CHD1: variants seen among roughly 807,000 people sequenced by gnomAD.
CHD1 encodes ATP-dependent chromatin remodeler CHD1.
Under a neutral mutation model 224.2 loss-of-function variants are expected in CHD1, and 36 were observed. The ratio of observed to expected loss-of-function variants is 0.16; its 90% confidence interval spans 0.12 to 0.21. CHD1 has a LOEUF of 0.21. Among genes scored for constraint, CHD1 ranks in the 10% least tolerant of loss-of-function variants. The pLI, the probability that CHD1 is intolerant of heterozygous loss-of-function variation, is 1.00. For synonymous variants in CHD1, 668 were observed against 658.3 expected, an observed-to-expected ratio of 1.01 and a Z score of -0.23; for missense variants, 1,378 against 1,994.8, an observed-to-expected ratio of 0.69 and a Z score of 5.89.
intron 2 of CHD1, among the ~76,000 whole-genome samples, chr5:98,914,502 G>T (rs1001229044): frequency 6.7e-6 from 1 of 150,276 alleles, no homozygotes; most frequent in African/African-American, 2.4e-5. Context: ...TTTCTATTGG[G>T]AACAAAATGC....
chr5:98,889,059 C>G lies in CHD1; in HGVS notation c.2343+17G>C. On this transcript the variant is annotated intron_variant, in intron 16 of 35. Coordinates refer to ENST00000614616, the MANE Select transcript of CHD1 (RefSeq NM_001270.4). Reference sequence around the variant, plus strand: ...CTAGAACTTTATCACAAAGAAACAACATTTAAAAATTCTTACTTGTAAGGC... The same window carrying G: ...CTAGAACTTTATCACAAAGAAACAAGATTTAAAAATTCTTACTTGTAAGGC... 4.0e-6 allele frequency: 6 copies of G among 1,512,842 alleles called. No homozygotes were observed. The highest frequency in any genetic ancestry group is 5.4e-6 in the Non-Finnish European group (6 of 1,102,590). The allele number at this position is 1,512,842 out of a possible 1,614,324, so 93.7% of individuals were successfully genotyped here.
intron 11 of CHD1, 113 bp downstream of exon 11, chr5:98,897,080 C>T: frequency 1.1e-6 from 1 of 925,056 alleles, no homozygotes; most frequent in Non-Finnish European, 1.7e-6. Flanking sequence ...CAAAGACTAG[C>T]ATATAAACTG....
In CHD1 at chr5:98,896,323, G is replaced by A; in HGVS notation, c.1613C>T (p.Pro538Leu). Reference sequence around the variant, plus strand: ...TTGCCAGGAAGTAAGAGTGGAGAGCGGTACTACCAATAAAAAAGGTCCATA... The same window carrying A: ...TTGCCAGGAAGTAAGAGTGGAGAGCAGTACTACCAATAAAAAAGGTCCATA... Reference protein sequence around the residue: ...QLYGPFLLVVPLSTLTSWQRE... With the variant: ...QLYGPFLLVVLLSTLTSWQRE... The change falls in exon 12 of 36, where the codon CCG becomes CTG. Residue 538 changes from proline (P) to leucine (L), a missense_variant. Coordinates refer to ENST00000614616, the MANE Select transcript of CHD1 (RefSeq NM_001270.4). The A allele has an allele frequency of 6.2e-7, 1 of 1,613,646 alleles. No homozygotes were observed. The highest frequency in any genetic ancestry group is 8.5e-7 in the Non-Finnish European group (1 of 1,179,706).
At chr5:98,915,330 T>TA (rs1752669181) in intron 2 of CHD1, among the ~76,000 whole-genome samples, 1 of 152,172 alleles carries the variant, frequency 6.6e-6, no homozygotes, top group Non-Finnish European at 1.5e-5. Flanking sequence ...AAACTCTGCT[T>TA]AAAGTACAAT....
chr5:98,905,919 A>T (rs1435529114), intron 2 of CHD1, among the ~76,000 whole-genome samples: 1 of 152,294 alleles, frequency 6.6e-6, no homozygotes, highest in Admixed American at 6.5e-5. Context: ...TAGGGCATTA[A>T]ATTTCTGGTA....
At chr5:98,920,161 T>C (rs917990277) in intron 2 of CHD1, among the ~76,000 whole-genome samples, 2 of 152,014 alleles carry the variant, frequency 1.3e-5, no homozygotes, top group Admixed American at 1.3e-4. Flanking sequence ...TCAAAGCACA[T>C]ACATAAATCC....
chr5:98,911,147 AT>A (rs1330816135), intron 2 of CHD1, among the ~76,000 whole-genome samples: 2,247 of 47,560 alleles, frequency 0.047, 28 homozygotes, highest in African/African-American at 0.07. Flanking sequence ...AAAAAAAAAA[AT>A]ATATATATAT....
Position 98,898,343 on chromosome 5 carries a change from T to A in CHD1, c.1278A>T (p.Gly426=), listed in dbSNP as rs759650730. The change falls in exon 10 of 36, where the codon GGA becomes GGT. Residue 426 remains glycine, a synonymous_variant. Coordinates refer to ENST00000614616, the MANE Select transcript of CHD1 (RefSeq NM_001270.4). Reference sequence around the variant, plus strand: ...CTTGAAACTTTTTGGAAATGAGAGCTCCATCTTCCCAGCTGCACTCTGAGT... The same window carrying A: ...CTTGAAACTTTTTGGAAATGAGAGCACCATCTTCCCAGCTGCACTCTGAGT... ...LPYSECSWED[G]ALISKKFQAC... The A allele has an allele frequency of 6.2e-7, 1 of 1,602,992 alleles. No individual in the cohort carries two copies. Among genetic ancestry groups the A allele is most frequent in the Non-Finnish European group, 8.5e-7 (1 of 1,174,994 alleles).
At chr5:98,880,144 A>G (rs1461719809) in intron 22 of CHD1, among the ~76,000 whole-genome samples, 1 of 152,246 alleles carries the variant, frequency 6.6e-6, no homozygotes, top group Non-Finnish European at 1.5e-5. Flanking sequence ...TGGCAGAGAC[A>G]TAGAGCTCTT....
rs1749761171 is a variant in CHD1, at chr5:98,876,412, A to G, written c.3384T>C (p.Asp1128=). 1.9e-6 allele frequency: 3 copies of G among 1,613,686 alleles called. No individual in the cohort carries two copies. In the African/African-American group the frequency reaches 4.0e-5, roughly 22 times the overall value. The part of the protein sequence containing the change: ...IPRENIKGFS[D]AEIRRFIKSY... ...TAACACCTTACCGCCTAATTTCTGC[A>G]TCACTAAATCCTTTAATATTCTCCC... Residue 1128 remains aspartate (D), a synonymous_variant, in exon 24 of 36, where the codon GAT becomes GAC. Coordinates refer to ENST00000614616, the MANE Select transcript of CHD1 (RefSeq NM_001270.4).
rs754305052 is a variant in CHD1, at chr5:98,863,448, T to G, written c.4387A>C (p.Lys1463Gln). The G allele has an allele frequency of 1.2e-5, 20 of 1,601,274 alleles. No individual in the cohort carries two copies. Among genetic ancestry groups the G allele is most frequent in the Non-Finnish European group, 1.6e-5 (19 of 1,174,022 alleles). Residue 1463 changes from lysine (K) to glutamine (Q), a missense_variant, in exon 32 of 36, where the codon AAA (lysine) becomes CAA (glutamine). Coordinates refer to ENST00000614616, the MANE Select transcript of CHD1 (RefSeq NM_001270.4). ...ATTTGTTCAGGATTTGTATACTCTT[T>G]TAGACATTCTGTGATATGGTCTCCA... is the stretch of plus-strand genomic sequence containing the variant. ...KIGDHITECL[K>Q]EYTNPEQIKQ...
At chr5:98,858,596 A>G in intron 34 of CHD1, 1 of 517,024 alleles carries the variant, frequency 1.9e-6, no homozygotes. Context: ...AATGTCACAA[A>G]AACTAAAAAA....
intron 33 of CHD1, among the ~76,000 whole-genome samples, 186 bp downstream of exon 33, chr5:98,859,786 C>T (rs1748324844): frequency 6.6e-6 from 1 of 152,054 alleles, no homozygotes; most frequent in South Asian, 2.1e-4. Flanking sequence ...ATCCTGTTTT[C>T]TTGCCCATTA....
At chr5:98,892,998 T>G (rs1751115174) in intron 14 of CHD1, among the ~76,000 whole-genome samples, 2 of 152,252 alleles carry the variant, frequency 1.3e-5, no homozygotes, top group African/African-American at 4.8e-5. Flanking sequence ...AAAATATACT[T>G]TTAAAGTTCT....
At position 98,897,293 on chromosome 5, in the gene CHD1, C is replaced by A; in HGVS notation, c.1393G>T (p.Ala465Ser). The change falls in exon 11 of 36, where the codon GCC becomes TCC. Residue 465 changes from alanine to serine, a missense_variant. Ala to Ser is a moderately conservative substitution (Grantham distance 99). This residue lies in a region of CHD1 where 86 missense variants were observed against 97.7 expected (regional missense o/e 0.88). Coordinates refer to ENST00000614616, the MANE Select transcript of CHD1 (RefSeq NM_001270.4). ...KVLKQRPRFVALKKQPSYIGG... is the reference protein window; with the variant it reads ...KVLKQRPRFVSLKKQPSYIGG... Reference sequence around the variant, plus strand: ...ATATAGGATGGCTGCTTCTTCAGGGCTACAAACCTTGGCCTTTGTTTTAAT... The same window carrying A: ...ATATAGGATGGCTGCTTCTTCAGGGATACAAACCTTGGCCTTTGTTTTAAT... 6.2e-7 allele frequency: 1 copy of A among 1,608,052 alleles called. No individual in the cohort carries two copies. Among genetic ancestry groups the A allele is most frequent in the South Asian group, 1.1e-5 (1 of 90,694 alleles).
intron 24 of CHD1, 109 bp downstream of exon 24, chr5:98,876,289 T>C (rs915758931): frequency 6.5e-6 from 7 of 1,083,812 alleles, no homozygotes; most frequent in African/African-American, 1.6e-5. Flanking sequence ...AATAACAGAT[T>C]TGCCTCTTCT....
chr5:98,902,472 T>A (rs1486858576), intron 5 of CHD1, among the ~76,000 whole-genome samples: 2 of 152,032 alleles, frequency 1.3e-5, no homozygotes, highest in Non-Finnish European at 2.9e-5. Flanking sequence ...TTTAGGAAAT[T>A]ACAGTGAGTT....
intron 26 of CHD1, 114 bp from the exon 27 acceptor site, chr5:98,872,669 ATAT>A: frequency 2.3e-6 from 2 of 870,714 alleles, no homozygotes; most frequent in Non-Finnish European, 3.6e-6. Context: ...TTCCTTATTT[ATAT>A]TATTAAGAGA....
At chr5:98,875,967 T>C (rs1285128181) in intron 24 of CHD1, among the ~76,000 whole-genome samples, 1 of 152,110 alleles carries the variant, frequency 6.6e-6, no homozygotes, top group African/African-American at 2.4e-5. Flanking sequence ...CTTGAACATA[T>C]CAGAAATGCT....
Sources: allele counts gnomAD v4.1 joint callset (sites outside exome capture counted in the v4.1 genomes callset), GRCh38; gene constraint gnomAD v4.1.1; regional missense constraint gnomAD v4.1.1; transcripts MANE v1.5; gene names NCBI Gene and HGNC (gene_info 2026-07-23, HGNC 2026-07-21).